Variants in TRHDE observed in about 807,000 individuals in gnomAD.
The protein encoded by TRHDE is thyrotropin-releasing hormone-degrading ectoenzyme.
A neutral mutation model predicts 125.7 loss-of-function variants in TRHDE; 72 were observed. That is an observed-to-expected ratio of 0.57 (90% CI 0.47 to 0.70). TRHDE has a LOEUF of 0.70. Ranked by LOEUF, TRHDE falls within the 30% of genes least tolerant of loss-of-function variation. TRHDE has a pLI of 0.00. For missense variants in TRHDE, 1,110 were observed against 1,327.1 expected (o/e 0.84, Z 2.54); for synonymous variants, 509 against 509.1 (o/e 1.00, Z 0.00).
intron 15 of TRHDE, among the ~76,000 whole-genome samples, chr12:72,624,452 AAGT>A (rs1310002425): frequency 6.6e-6 from 1 of 151,964 alleles, no homozygotes; most frequent in Admixed American, 6.6e-5. Context: ...TGAGTCATAG[AAGT>A]AGCAGGGATT....
intron 2 of TRHDE, among the ~76,000 whole-genome samples, chr12:72,306,305 T>G (rs1342329082): frequency 1.3e-5 from 2 of 152,232 alleles, no homozygotes; most frequent in African/African-American, 4.8e-5. Context: ...TGATTCCATG[T>G]CAGGAAGTAA....
chr12:72,354,018 T>C (rs1870703315), intron 2 of TRHDE, among the ~76,000 whole-genome samples: 1 of 151,724 alleles, frequency 6.6e-6, no homozygotes, highest in African/African-American at 2.4e-5. Flanking sequence ...TGTGGTAAGT[T>C]GAAGTACCAT....
intron 3 of TRHDE, among the ~76,000 whole-genome samples, chr12:72,455,963 A>C (rs527389521): frequency 6.2e-4 from 94 of 152,040 alleles, no homozygotes; most frequent in African/African-American, 2.2e-3. Context: ...AATTTGGCTA[A>C]TCTTAATCCT....
intron 15 of TRHDE, 147 bp downstream of exon 15, chr12:72,621,898 C>A: frequency 1.6e-6 from 1 of 607,434 alleles, no homozygotes; most frequent in South Asian, 2.0e-5. Flanking sequence ...TTCACAGCTT[C>A]CAAGGCAATA....
intron 2 of TRHDE, among the ~76,000 whole-genome samples, chr12:72,262,169 C>T (rs530969435): frequency 6.6e-6 from 1 of 152,294 alleles, no homozygotes; most frequent in African/African-American, 2.4e-5. Context: ...AATGCAATTT[C>T]AACTAGCTAA....
At chr12:72,631,274 A>G (rs1426498098) in intron 15 of TRHDE, among the ~76,000 whole-genome samples, 2 of 151,700 alleles carry the variant, frequency 1.3e-5, no homozygotes, top group Non-Finnish European at 2.9e-5. Context: ...TTTAAAATCT[A>G]TTTCTCAGGT....
At chr12:72,267,297 A>G (rs1173810001) in intron 2 of TRHDE, among the ~76,000 whole-genome samples, 2 of 152,098 alleles carry the variant, frequency 1.3e-5, no homozygotes, top group Non-Finnish European at 2.9e-5. Context: ...TGAACGCTAA[A>G]AAGTTTTAAC....
At chr12:72,189,315 G>C (rs1040286144) in intron 2 of TRHDE, among the ~76,000 whole-genome samples, 1 of 152,146 alleles carries the variant, frequency 6.6e-6, no homozygotes, top group Non-Finnish European at 1.5e-5. Flanking sequence ...AGGTAAATGG[G>C]TATTCTGAGG....
intron 2 of TRHDE, among the ~76,000 whole-genome samples, chr12:72,220,268 A>T (rs985118035): frequency 1.3e-5 from 2 of 152,078 alleles, no homozygotes; most frequent in Non-Finnish European, 2.9e-5. Flanking sequence ...TCCAATTATT[A>T]TTCTTAATGC....
intron 4 of TRHDE, 68 bp from the exon 5 acceptor site, chr12:72,472,999 A>C (rs575213054): frequency 1.7e-6 from 2 of 1,196,034 alleles, no homozygotes; most frequent in East Asian, 4.7e-5. Flanking sequence ...TAATACATGT[A>C]ATTTTAGATA....
Position 72,665,583 on chromosome 12 carries a change from C to G in TRHDE, c.*2388C>G, listed in dbSNP as rs1277683032. The G allele has an allele frequency of 1.3e-5, 2 of 152,016 alleles. No individual in the cohort carries two copies. Among genetic ancestry groups the G allele is most frequent in the Non-Finnish European group, 2.9e-5 (2 of 67,926 alleles). 9.4% of individuals were successfully genotyped at this position (152,016 alleles called of 1,614,324 possible). ...TAATATTTTCAAAAGAATAAAATAA[C>G]CAATGATATCTCTTGGAATAATCTG... On this transcript the variant is annotated 3_prime_UTR_variant, in exon 19 of 19. Transcript: ENST00000261180.
At chr12:72,302,078 G>A (rs996111576) in intron 2 of TRHDE, among the ~76,000 whole-genome samples, 12 of 152,204 alleles carry the variant, frequency 7.9e-5, no homozygotes, top group Non-Finnish European at 1.3e-4. Flanking sequence ...TGAGATGTTC[G>A]TGAAGTACGT....
intron 2 of TRHDE, among the ~76,000 whole-genome samples, chr12:72,362,295 G>T (rs965312624): frequency 6.6e-6 from 1 of 150,426 alleles, no homozygotes; most frequent in Non-Finnish European, 1.5e-5. Context: ...GTTTTCATTC[G>T]CATTTCTCTG....
intron 3 of TRHDE, among the ~76,000 whole-genome samples, chr12:72,449,432 AT>A (rs1043527192): frequency 6.0e-5 from 9 of 151,108 alleles, no homozygotes; most frequent in African/African-American, 1.5e-4. Flanking sequence ...TGATTTTTGA[AT>A]TTTTTTTTCT....
chr12:72,568,506 G>GT (rs1286167940), intron 9 of TRHDE, 62 bp from the exon 10 acceptor site: 88 of 1,240,756 alleles, frequency 7.1e-5, no homozygotes, highest in Non-Finnish European at 9.8e-5. Flanking sequence ...CATGGGAAAT[G>GT]TTTTTTGTTT....
chr12:72,348,843 C>A (rs553710056), intron 2 of TRHDE, among the ~76,000 whole-genome samples: 1 of 151,884 alleles, frequency 6.6e-6, no homozygotes, highest in Admixed American at 6.6e-5. Flanking sequence ...TACTTGAAAT[C>A]ATTTGTTTTT....
intron 3 of TRHDE, among the ~76,000 whole-genome samples, chr12:72,380,762 C>CCGTG (rs1872122659): frequency 1.4e-5 from 1 of 71,698 alleles, no homozygotes; most frequent in Non-Finnish European, 2.7e-5. Flanking sequence ...TTCCTTCCTT[C>CCGTG]CTTGCTTCCT....
chr12:72,446,745 C>T (rs1045981759), intron 3 of TRHDE, among the ~76,000 whole-genome samples: 6 of 152,028 alleles, frequency 3.9e-5, no homozygotes, highest in South Asian at 2.1e-4. Flanking sequence ...TTTAAACCAA[C>T]GAAGATCAAA....
Position 72,348,963 on chromosome 12 carries a change from A to C in TRHDE, c.1189-29032A>C, listed in dbSNP as rs1186182288. Among the ~76,000 whole-genome samples, 3 of 151,324 alleles carry C rather than the reference A, an allele frequency of 2.0e-5. No individual in the cohort carries two copies. The South Asian group carries it at 6.2e-4, about 31-fold the overall frequency. The stretch of plus-strand genomic sequence containing the variant: ...GGTAAGTTTGATTTTTTGTTTCCCT[A>C]TTTCATGGTTAATGGATTTTGCTTT... On this transcript the variant is annotated intron_variant, in intron 2 of 18. Coordinates refer to ENST00000261180, the MANE Select transcript of TRHDE (RefSeq NM_013381.3).
Sources: allele counts gnomAD v4.1 joint callset (sites outside exome capture counted in the v4.1 genomes callset), GRCh38; gene constraint gnomAD v4.1.1; transcripts MANE v1.5; gene names NCBI Gene and HGNC (gene_info 2026-07-23, HGNC 2026-07-21).